Variants in SHANK2 observed in about 807,000 individuals in gnomAD.
SHANK2 encodes SH3 and multiple ankyrin repeat domains protein 2.
Under a neutral mutation model 133.7 loss-of-function variants are expected in SHANK2, and 43 were observed. The ratio of observed to expected loss-of-function variants is 0.32; its 90% CI spans 0.25 to 0.41. The LOEUF is 0.41. Among genes scored for constraint, SHANK2 ranks in the 10% least tolerant of loss-of-function variants. The pLI, the probability that SHANK2 is intolerant of heterozygous loss-of-function variation, is 1.00. For missense variants in SHANK2, 1,994 were observed against 2,235.8 expected (o/e 0.89, Z 2.18); for synonymous variants, 1,017 against 952.8 (o/e 1.07, Z -1.24).
intron 17 of SHANK2, among the ~76,000 whole-genome samples, chr11:70,655,589 G>T (rs924522483): frequency 7.2e-5 from 11 of 152,192 alleles, no homozygotes; most frequent in Non-Finnish European, 1.3e-4. Flanking sequence ...TGCAAATGTT[G>T]TTTGCCCTCT....
chr11:71,067,908 T>C lies in SHANK2; in HGVS notation c.1029+7251A>G, dbSNP rs1019340006. Among the ~76,000 whole-genome samples, 28 of 150,858 alleles carry C rather than the reference T, an allele frequency of 1.9e-4. No individual in the cohort carries two copies. The East Asian group carries it at 4.7e-3, about 25-fold the overall frequency. ...ATCACCACCACCACTACCACTATCA[T>C]CATCAATATCACCAGCATCACCACC... On this transcript the variant is annotated intron_variant, in intron 9 of 25. Transcript: ENST00000601538.
intron 17 of SHANK2, among the ~76,000 whole-genome samples, chr11:70,640,944 C>T (rs964567712): frequency 1.3e-5 from 2 of 152,196 alleles, no homozygotes; most frequent in African/African-American, 2.4e-5. Context: ...CAAAGAGCCT[C>T]TTCGCTTGAG....
chr11:70,666,846 T>C (rs868973688), intron 15 of SHANK2, among the ~76,000 whole-genome samples: 32 of 152,218 alleles, frequency 2.1e-4, no homozygotes, highest in Admixed American at 1.6e-3. Context: ...CAACACAACA[T>C]TGACCCGTGC....
rs1165780352 is a variant in SHANK2, at chr11:71,212,257, CAG to C, written c.-13+12438_-13+12439del. Among the ~76,000 whole-genome samples, 3 of 152,116 alleles carry C rather than the reference CAG, an allele frequency of 2.0e-5. No homozygotes were observed. In the East Asian group the frequency reaches 5.8e-4, roughly 29 times the overall value. On this transcript the variant is annotated intron_variant, in intron 2 of 25. Coordinates refer to ENST00000601538, the MANE Select transcript of SHANK2 (RefSeq NM_012309.5). ...TCTTAGAGACTCCTCATGGTTCAAG[CAG>C]AGTTTTACCAGCGTGGCATGCAGAA...
chr11:70,605,965 G>A (rs1260397856), intron 17 of SHANK2, among the ~76,000 whole-genome samples: 1 of 152,112 alleles, frequency 6.6e-6, no homozygotes, highest in Non-Finnish European at 1.5e-5. Context: ...CCTCCTTGGG[G>A]TAAAAAGATG....
chr11:70,532,416 A>C (rs190695109), intron 17 of SHANK2, among the ~76,000 whole-genome samples: 130 of 152,238 alleles, frequency 8.5e-4, no homozygotes, highest in African/African-American at 2.7e-3. Context: ...TCACATTTGC[A>C]CAAAGGTATT....
chr11:70,614,935 T>C (rs972211132), intron 17 of SHANK2, among the ~76,000 whole-genome samples: 1 of 152,218 alleles, frequency 6.6e-6, no homozygotes, highest in Non-Finnish European at 1.5e-5. Context: ...GCTATGCTGC[T>C]CCTGGCTGGG....
intron 17 of SHANK2, among the ~76,000 whole-genome samples, chr11:70,655,744 G>A (rs2061397572): frequency 1.3e-5 from 2 of 152,138 alleles, no homozygotes; most frequent in Non-Finnish European, 2.9e-5. Flanking sequence ...GGAGATTAAC[G>A]CAGCACCTGC....
At chr11:70,808,806 C>T (rs146167802) in intron 12 of SHANK2, among the ~76,000 whole-genome samples, 35 of 152,102 alleles carry the variant, frequency 2.3e-4, no homozygotes, top group African/African-American at 7.9e-4. Context: ...CATGGGTGTC[C>T]GACACTTCAT....
intron 17 of SHANK2, among the ~76,000 whole-genome samples, chr11:70,504,909 T>C (rs2135844052): frequency 6.6e-6 from 1 of 151,976 alleles, no homozygotes; most frequent in South Asian, 2.1e-4. Flanking sequence ...CACACCCGGG[T>C]AGTGGCTGTT....
chr11:70,608,144 A>ATTTTTC (rs2060604953), intron 17 of SHANK2, among the ~76,000 whole-genome samples: 1 of 151,782 alleles, frequency 6.6e-6, no homozygotes, highest in South Asian at 2.1e-4. Context: ...TTTGCAAGAG[A>ATTTTTC]TTTTTCTTTT....
intron 17 of SHANK2, among the ~76,000 whole-genome samples, chr11:70,531,209 A>G (rs2059465195): frequency 6.6e-6 from 1 of 151,400 alleles, no homozygotes; most frequent in Non-Finnish European, 1.5e-5. Context: ...TAGAGTTTAC[A>G]TGTATTTTAC....
At chr11:71,118,692 A>G (rs1952027619) in intron 4 of SHANK2, 137 bp downstream of exon 4, 5 of 775,672 alleles carry the variant, frequency 6.4e-6, no homozygotes, top group Non-Finnish European at 9.9e-6. Context: ...TCAAGACCCC[A>G]GACTGATTTT....
chr11:70,500,587 G>C lies in SHANK2; in HGVS notation c.2291C>G (p.Ser764Trp). 6.2e-7 allele frequency: 1 copy of C among 1,602,830 alleles called. No individual in the cohort carries two copies. Among genetic ancestry groups the C allele is most frequent in the Non-Finnish European group, 8.5e-7 (1 of 1,174,852 alleles). Residue 764 changes from serine to tryptophan, a missense_variant, in exon 21 of 26, where the codon TCG becomes TGG. Physicochemically the swap from Ser to Trp is radical, Grantham distance 177. Coordinates refer to ENST00000601538, the MANE Select transcript of SHANK2 (RefSeq NM_012309.5). This position sits in a 1 kb window ranked among gnomAD's most constrained non-coding sequence, Gnocchi z 4.5. ...SELEELVDKA[S>W]VRKKKDKPEE... ...TCCCTTACCCTTCTTCTTCCGGACCGAGGCTTGCAAACAGAAAGGGGACCG... is the reference window on the plus strand; with the variant it reads ...TCCCTTACCCTTCTTCTTCCGGACCCAGGCTTGCAAACAGAAAGGGGACCG...
chr11:70,799,124 G>A (rs782172445), intron 13 of SHANK2, among the ~76,000 whole-genome samples: 12 of 151,898 alleles, frequency 7.9e-5, no homozygotes, highest in Admixed American at 6.5e-4. Flanking sequence ...AGGTCTGGGC[G>A]CGGTGGCTCA....
intron 2 of SHANK2, among the ~76,000 whole-genome samples, chr11:71,149,694 G>C (rs1952726646): frequency 6.7e-6 from 1 of 149,960 alleles, no homozygotes; most frequent in Non-Finnish European, 1.5e-5. Context: ...TAAATGAATG[G>C]ATGGATGGAT....
Position 71,175,549 on chromosome 11 carries a change from AGGGAGAGAGAG to A in SHANK2, c.-12-28222_-12-28212del. On this transcript the variant is annotated intron_variant, in intron 2 of 25. Coordinates refer to ENST00000601538, the MANE Select transcript of SHANK2 (RefSeq NM_012309.5). The surrounding 1 kb of genome is among the most constrained non-coding windows in gnomAD (Gnocchi z 4.2). Reference sequence around the variant, plus strand: ...GACAGACAGACAGAGGGAGAGGGAGAGGGAGAGAGAGAGAGAGAGAGAGAGAGAGAGAGAGA... The same window carrying A: ...GACAGACAGACAGAGGGAGAGGGAGAAGAGAGAGAGAGAGAGAGAGAGAGA... 5.7e-5 allele frequency among the ~76,000 whole-genome samples: 1 copy of A among 17,532 alleles called. No individual in the cohort carries two copies. Among genetic ancestry groups the A allele is most frequent in the East Asian group, 4.6e-3 (1 of 216 alleles). 11.5% of individuals were successfully genotyped at this position (17,532 alleles called of 152,430 possible). A position where few individuals can be genotyped will look rare whatever the true frequency, so the allele number is the denominator to read the frequency against.
intron 10 of SHANK2, among the ~76,000 whole-genome samples, chr11:70,902,659 A>AT (rs11462666): frequency 0.03 from 4,589 of 152,086 alleles, 235 homozygotes; most frequent in African/African-American, 0.11. Context: ...GCACCACAGG[A>AT]TTTTTTTTGT....
chr11:70,952,432 T>C (rs1403844241), intron 10 of SHANK2, among the ~76,000 whole-genome samples: 1 of 152,200 alleles, frequency 6.6e-6, no homozygotes, highest in Non-Finnish European at 1.5e-5. Flanking sequence ...CCCAGCTGCA[T>C]TTGCTCCCTC....
Sources: gnomAD v4.1 joint callset for allele counts (sites outside exome capture counted in the v4.1 genomes callset) on GRCh38, gnomAD v4.1.1 for gene constraint, Gnocchi (gnomAD v3.1) non-coding constraint, MANE v1.5 for transcripts, NCBI Gene and HGNC (gene_info 2026-07-23, HGNC 2026-07-21) for gene names.